The following STK10 variants were observed in gnomAD, a reference collection of about 807,000 sequenced individuals.
STK10 encodes serine/threonine-protein kinase 10.
A neutral mutation model predicts 113.8 loss-of-function variants in STK10; 78 were observed. That is an observed-to-expected ratio of 0.69 (90% CI 0.57 to 0.83). The LOEUF (loss-of-function observed/expected upper bound fraction) is 0.83, where lower values mean the gene tolerates loss of function less well. Among genes scored for constraint, STK10 ranks in the 40% least tolerant of loss-of-function variants. The pLI, the probability that STK10 is intolerant of heterozygous loss-of-function variation, is 0.00. For missense variants in STK10, 1,109 were observed against 1,280.1 expected (o/e 0.87, Z 2.04); for synonymous variants, 465 against 494.7 (o/e 0.94, Z 0.80).
chr5:172,136,739 A>T (rs1383254723), intron 2 of STK10, among the ~76,000 whole-genome samples: 1 of 152,114 alleles, frequency 6.6e-6, no homozygotes, highest in East Asian at 1.9e-4. Context: ...AAAATCATGG[A>T]GGAGATGTGC....
intron 8 of STK10, among the ~76,000 whole-genome samples, chr5:172,096,089 CA>C (rs746448875): frequency 5.3e-5 from 8 of 152,174 alleles, no homozygotes; most frequent in Non-Finnish European, 1.2e-4. Flanking sequence ...GAGCTAAAAA[CA>C]GTCTCATTTG....
At position 172,106,793 on chromosome 5, in the gene STK10, C is replaced by A; in HGVS notation, c.615G>T (p.Met205Ile). The A allele has an allele frequency of 6.2e-7, 1 of 1,614,146 alleles. No individual in the cohort carries two copies. The highest frequency in any genetic ancestry group is 8.5e-7 in the Non-Finnish European group (1 of 1,179,984). Residue 205 changes from methionine (M) to isoleucine (I), a missense_variant, in exon 6 of 19, where the codon ATG becomes ATT. Physicochemically the swap from Met to Ile is conservative, Grantham distance 10. Around this residue, in one of 5 missense-constraint regions of STK10, gnomAD observed 44 missense variants for 84.4 expected, o/e 0.52. Coordinates refer to ENST00000176763, the MANE Select transcript of STK10 (RefSeq NM_005990.4). ...TPYWMAPEVV[M>I]CETMKDTPYD... ...AGGGCGTGTCTTTCATGGTCTCACA[C>A]ATGACCACCTCGGGGGCCATCCTGA...
chr5:172,103,710 C>T (rs1386622775), intron 7 of STK10, among the ~76,000 whole-genome samples: 5 of 152,084 alleles, frequency 3.3e-5, no homozygotes, highest in African/African-American at 1.2e-4. Context: ...ACCCCCCACC[C>T]CCGGCAGTAG....
intron 2 of STK10, among the ~76,000 whole-genome samples, chr5:172,134,738 A>AT (rs1225006059): frequency 3.0e-5 from 3 of 98,708 alleles, no homozygotes; most frequent in Non-Finnish European, 4.0e-5. Flanking sequence ...GGGAGACCTC[A>AT]TATTTACAAA....
At chr5:172,051,484 GCAT>G (rs1767626621) in intron 18 of STK10, among the ~76,000 whole-genome samples, 1 of 151,986 alleles carries the variant, frequency 6.6e-6, no homozygotes, top group Admixed American at 6.6e-5. Flanking sequence ...AACTAGCCAG[GCAT>G]AGTGGCATGT....
chr5:172,044,978 C>T lies in STK10; in HGVS notation c.2811G>A (p.Met937Ile). ...DLNQKKREQE[M>I]FFKLSEEAEC... ...CCGCCTCCTCGCTCAGCTTGAAGAA[C>T]ATCTCCTGCTCCCGCTTCTTCTGGT... The change falls in exon 19 of 19, where the codon ATG becomes ATA. Residue 937 changes from methionine to isoleucine, a missense_variant. Physicochemically the swap from Met to Ile is conservative, Grantham distance 10. Around this residue, in one of 5 missense-constraint regions of STK10, gnomAD observed 885 missense variants for 991.1 expected, o/e 0.89. Transcript: ENST00000176763. This position sits in a 1 kb window ranked among gnomAD's most constrained non-coding sequence, Gnocchi z 4.5. 6.2e-7 allele frequency: 1 copy of T among 1,614,252 alleles called. No individual in the cohort carries two copies. The highest frequency in any genetic ancestry group is 8.5e-7 in the Non-Finnish European group (1 of 1,180,046).
intron 18 of STK10, among the ~76,000 whole-genome samples, chr5:172,050,429 G>A (rs1767602328): frequency 6.6e-6 from 1 of 152,124 alleles, no homozygotes; most frequent in Admixed American, 6.5e-5. Flanking sequence ...ATGGTGGCAT[G>A]TGTTATAGTT....
In STK10 at chr5:172,052,953, C is replaced by T; in HGVS notation, c.2742G>A (p.Arg914=). Residue 914 remains arginine, a synonymous_variant, in exon 18 of 19, where the codon CGG becomes CGA. Transcript: ENST00000176763. The part of the protein sequence containing the change: ...ESHNQNLKEW[R]DKLRPRKKAL... Reference sequence around the variant, plus strand: ...CCTTCTTGCGCGGCCGAAGCTTGTCCCGCCATTCCTTCAGGTTCTGGTTAT... The same window carrying T: ...CCTTCTTGCGCGGCCGAAGCTTGTCTCGCCATTCCTTCAGGTTCTGGTTAT... 6.2e-7 allele frequency: 1 copy of T among 1,614,192 alleles called. No homozygotes were observed. The highest frequency in any genetic ancestry group is 8.5e-7 in the Non-Finnish European group (1 of 1,180,038).
At chr5:172,171,936 T>C (rs901670551) in intron 1 of STK10, among the ~76,000 whole-genome samples, 7 of 152,194 alleles carry the variant, frequency 4.6e-5, no homozygotes, top group Non-Finnish European at 7.3e-5. Context: ...AATCCCCCTG[T>C]AAGGCCAGCA....
At chr5:172,176,631 T>C (rs1770764318) in intron 1 of STK10, among the ~76,000 whole-genome samples, 1 of 152,174 alleles carries the variant, frequency 6.6e-6, no homozygotes, top group African/African-American at 2.4e-5. Flanking sequence ...TCTCTAATGT[T>C]ACATGGGCTG....
chr5:172,152,439 T>C (rs1025017074), intron 2 of STK10, among the ~76,000 whole-genome samples: 1 of 151,980 alleles, frequency 6.6e-6, no homozygotes, highest in Admixed American at 6.6e-5. Context: ...GGGTGGAGGA[T>C]GGGGGTAGCT....
chr5:172,138,854 AG>A (rs1248801509), intron 2 of STK10, among the ~76,000 whole-genome samples: 3 of 152,130 alleles, frequency 2.0e-5, no homozygotes, highest in Non-Finnish European at 4.4e-5. Context: ...CTACTAAAAA[AG>A]TACAAAAAAT....
chr5:172,181,624 C>T (rs1012352035), intron 1 of STK10, among the ~76,000 whole-genome samples: 1 of 150,718 alleles, frequency 6.6e-6, no homozygotes, highest in Non-Finnish European at 1.5e-5. Context: ...GCTGGGATTA[C>T]AGGCGCCCAC....
At chr5:172,162,612 G>C (rs569912389) in intron 1 of STK10, among the ~76,000 whole-genome samples, 1 of 152,218 alleles carries the variant, frequency 6.6e-6, no homozygotes, top group South Asian at 2.1e-4. Context: ...TCCAAACCCA[G>C]AAGAGAGGTT....
At chr5:172,074,478 T>C (rs10070481) in intron 12 of STK10, among the ~76,000 whole-genome samples, 31,954 of 152,044 alleles carry the variant, frequency 0.21, 4,370 homozygotes, top group African/African-American at 0.38. Context: ...GCTGGAATAA[T>C]CAGACATCCA....
At position 172,075,667 on chromosome 5, in the gene STK10, C is replaced by T. The variant is rs1197421344; in HGVS notation, c.1989+6659G>A. ...TGCACTCCAGCCTGGGCGACAAGAG[C>T]GAAACTCCATCTCAAGATAAATAAA... On this transcript the variant is annotated intron_variant, in intron 12 of 18. Coordinates refer to ENST00000176763, the MANE Select transcript of STK10 (RefSeq NM_005990.4). 6.6e-5 allele frequency among the ~76,000 whole-genome samples: 10 copies of T among 151,986 alleles called. No individual in the cohort carries two copies. The East Asian group carries it at 1.2e-3, about 18-fold the overall frequency.
chr5:172,125,541 C>T (rs1284520241), intron 3 of STK10, among the ~76,000 whole-genome samples: 1 of 152,184 alleles, frequency 6.6e-6, no homozygotes, highest in Non-Finnish European at 1.5e-5. Context: ...CCTGCCATCA[C>T]GCCCAGCTAA....
chr5:172,155,991 T>A (rs1192782019), intron 2 of STK10, among the ~76,000 whole-genome samples: 1 of 149,492 alleles, frequency 6.7e-6, no homozygotes, highest in Admixed American at 6.7e-5. Flanking sequence ...CGAGGCTCCA[T>A]CTCAAAAAAA....
At chr5:172,098,804 G>A (rs1768912516) in intron 7 of STK10, among the ~76,000 whole-genome samples, 1 of 152,066 alleles carries the variant, frequency 6.6e-6, no homozygotes, top group African/African-American at 2.4e-5. Context: ...CTATATATTA[G>A]GAACAGCTGT....
Sources: allele counts gnomAD v4.1 joint callset (sites outside exome capture counted in the v4.1 genomes callset), GRCh38; gene constraint gnomAD v4.1.1; regional missense constraint gnomAD v4.1.1; non-coding constraint Gnocchi (gnomAD v3.1); transcripts MANE v1.5; gene names NCBI Gene and HGNC (gene_info 2026-07-23, HGNC 2026-07-21).